The following RABGAP1 variants were observed in gnomAD, a reference collection of about 807,000 sequenced individuals.
RABGAP1 encodes rab GTPase-activating protein 1.
A neutral mutation model predicts 137.6 loss-of-function variants in RABGAP1; 23 were observed. That is an observed-to-expected ratio of 0.17 (90% CI 0.12 to 0.24). RABGAP1 has a LOEUF of 0.24. RABGAP1 is among the 10% of genes least tolerant of loss of function. RABGAP1 has a pLI of 1.00. For synonymous variants in RABGAP1, 451 were observed against 450.7 expected (o/e 1.00, Z -0.01); for missense variants, 906 against 1,275.8 (o/e 0.71, Z 4.42).
intron 2 of RABGAP1, 129 bp downstream of exon 2, chr9:122,957,338 GA>G: frequency 1.4e-6 from 1 of 709,400 alleles, no homozygotes; most frequent in Non-Finnish European, 2.0e-6. Context: ...TTTCTTTAAA[GA>G]ATTTTATTTG....
chr9:122,941,609 C>A (rs1833573126), intron 1 of RABGAP1, among the ~76,000 whole-genome samples: 2 of 152,202 alleles, frequency 1.3e-5, no homozygotes, highest in Admixed American at 1.3e-4. Context: ...TTTGCCATCT[C>A]AGGTTGGTCT....
rs577376728 is a variant in RABGAP1 at position 123,003,289 on chromosome 9, A to T, written c.1374+4523A>T. ...TTTCACTTTATAGATGAGGAAACTG[A>T]GATCCAAAGATATTTAGCAGTAGAT... On this transcript the variant is annotated intron_variant, in intron 10 of 25. Transcript: ENST00000373647. Among the ~76,000 whole-genome samples, 65 of 152,330 alleles carry T rather than the reference A, an allele frequency of 4.3e-4. No homozygotes were observed. In the Middle Eastern group the frequency reaches 0.014, roughly 32 times the overall value.
At chr9:123,052,103 C>A (rs1252094290) in intron 13 of RABGAP1, among the ~76,000 whole-genome samples, 1 of 152,062 alleles carries the variant, frequency 6.6e-6, no homozygotes. Context: ...CCACACCCAG[C>A]CACAAGAAAA....
chr9:123,056,734 C>T (rs889777162), intron 13 of RABGAP1, among the ~76,000 whole-genome samples: 2 of 151,980 alleles, frequency 1.3e-5, no homozygotes, highest in African/African-American at 4.8e-5. Context: ...CATCTTGCAC[C>T]GCCCTTAATC....
intron 1 of RABGAP1, among the ~76,000 whole-genome samples, chr9:122,951,536 A>G (rs1834246614): frequency 6.6e-6 from 1 of 152,200 alleles, no homozygotes; most frequent in East Asian, 1.9e-4. Flanking sequence ...CACTCTGTTA[A>G]CTACAGTGCT....
chr9:123,097,277 G>A (rs992385412), intron 21 of RABGAP1, among the ~76,000 whole-genome samples: 1 of 152,204 alleles, frequency 6.6e-6, no homozygotes, highest in African/African-American at 2.4e-5. Context: ...GTAATAACAA[G>A]AGAAAAATGC....
chr9:123,085,996 A>G (rs907665107), intron 19 of RABGAP1, among the ~76,000 whole-genome samples: 33 of 152,218 alleles, frequency 2.2e-4, no homozygotes, highest in African/African-American at 8.0e-4. Context: ...TGGAGATACA[A>G]TAGTAAGCAT....
chr9:123,024,641 T>C (rs957670094), intron 13 of RABGAP1, among the ~76,000 whole-genome samples: 1 of 152,116 alleles, frequency 6.6e-6, no homozygotes, highest in African/African-American at 2.4e-5. Flanking sequence ...AGTTTCACCA[T>C]GTTGGTTAGG....
At chr9:123,099,992 T>A (rs1477327567) in intron 24 of RABGAP1, among the ~76,000 whole-genome samples, 1 of 151,566 alleles carries the variant, frequency 6.6e-6, no homozygotes, top group East Asian at 1.9e-4. Flanking sequence ...TTTATTTTTA[T>A]TTTTTTTTAT....
intron 13 of RABGAP1, among the ~76,000 whole-genome samples, chr9:123,037,716 C>T (rs996073419): frequency 6.6e-6 from 1 of 151,930 alleles, no homozygotes; most frequent in African/African-American, 2.4e-5. Context: ...CAGGTTTGAT[C>T]TTATTTTGTT....
At chr9:122,955,940 C>T (rs1834493565) in intron 1 of RABGAP1, among the ~76,000 whole-genome samples, 2 of 152,098 alleles carry the variant, frequency 1.3e-5, no homozygotes, top group South Asian at 2.1e-4. Context: ...AACGTTATAT[C>T]GTTTTGTTGA....
At chr9:123,089,099 T>A (rs576953436) in intron 19 of RABGAP1, among the ~76,000 whole-genome samples, 2 of 152,032 alleles carry the variant, frequency 1.3e-5, no homozygotes, top group Middle Eastern at 3.4e-3. Context: ...AATAATCTGA[T>A]GGGGTGAGAG....
chr9:122,953,987 A>G (rs2044764), intron 1 of RABGAP1, among the ~76,000 whole-genome samples: 16,534 of 152,238 alleles, frequency 0.11, 2,905 homozygotes, highest in African/African-American at 0.37. Flanking sequence ...TTATACTTAA[A>G]TTACCAAAAT....
chr9:123,065,926 C>T (rs530584061), intron 14 of RABGAP1, among the ~76,000 whole-genome samples: 1 of 152,236 alleles, frequency 6.6e-6, no homozygotes, highest in East Asian at 1.9e-4. Flanking sequence ...GGTCTGTACC[C>T]GAACACTAAA....
intron 20 of RABGAP1, 62 bp from the exon 21 acceptor site, chr9:123,090,213 G>T: frequency 7.6e-7 from 1 of 1,324,266 alleles, no homozygotes; most frequent in Non-Finnish European, 1.1e-6. Context: ...GTTTAGCCCT[G>T]AGAAATTTTC....
intron 24 of RABGAP1, among the ~76,000 whole-genome samples, chr9:123,101,186 C>T (rs879787129): frequency 5.3e-5 from 8 of 152,122 alleles, no homozygotes; most frequent in Non-Finnish European, 8.8e-5. Context: ...CTGTGTACTT[C>T]CTTGTATAAA....
intron 21 of RABGAP1, among the ~76,000 whole-genome samples, chr9:123,091,377 T>C (rs958079047): frequency 2.0e-5 from 3 of 152,226 alleles, no homozygotes; most frequent in African/African-American, 7.2e-5. Flanking sequence ...TGCATTTCCT[T>C]GAAAGGCTAT....
upstream of RABGAP1, among the ~76,000 whole-genome samples, chr9:122,935,993 T>C (rs138577087): frequency 4.0e-3 from 602 of 152,264 alleles, 4 homozygotes; most frequent in Non-Finnish European, 4.9e-3. Flanking sequence ...GAGGATTCTT[T>C]ATTGGGTGAT....
chr9:123,039,668 G>A (rs1002046539), intron 13 of RABGAP1, among the ~76,000 whole-genome samples: 12 of 152,008 alleles, frequency 7.9e-5, no homozygotes, highest in African/African-American at 2.2e-4. Flanking sequence ...CTGTAGCTTC[G>A]GCCCAGAGAA....
Sources: gnomAD v4.1 joint callset for allele counts (sites outside exome capture counted in the v4.1 genomes callset) on GRCh38, gnomAD v4.1.1 for gene constraint, MANE v1.5 for transcripts, NCBI Gene and HGNC (gene_info 2026-07-23, HGNC 2026-07-21) for gene names.